Variants in CFAP299 observed in about 807,000 individuals in gnomAD.
CFAP299 encodes cilia and flagella associated protein 299.
CFAP299 carries 21 observed loss-of-function variants against 27.0 expected under a neutral mutation model. The ratio of observed to expected loss-of-function variants is 0.78; its 90% CI spans 0.55 to 1.12. The LOEUF (loss-of-function observed/expected upper bound fraction) is 1.12. CFAP299 is among the 50% of genes most tolerant of loss of function. The pLI, the probability that CFAP299 is intolerant of heterozygous loss-of-function variation, is 0.00. For synonymous variants in CFAP299, 104 were observed against 98.1 expected, an observed-to-expected ratio of 1.06 and a Z score of -0.36; for missense variants, 310 against 276.6, an observed-to-expected ratio of 1.12 and a Z score of -0.86.
At chr4:80,719,197 A>C (rs1722673352) in intron 3 of CFAP299, among the ~76,000 whole-genome samples, 1 of 152,182 alleles carries the variant, frequency 6.6e-6, no homozygotes, top group South Asian at 2.1e-4. Flanking sequence ...TACTAAGTTT[A>C]GTACCTGGGT....
At chr4:80,806,931 C>T (rs1213942867) in intron 3 of CFAP299, among the ~76,000 whole-genome samples, 1 of 152,060 alleles carries the variant, frequency 6.6e-6, no homozygotes, top group African/African-American at 2.4e-5. Context: ...GTTAGTTTTT[C>T]TGTTAATAAT....
At chr4:80,737,541 C>A (rs4459984) in intron 3 of CFAP299, among the ~76,000 whole-genome samples, 1 of 151,816 alleles carries the variant, frequency 6.6e-6, no homozygotes, top group Non-Finnish European at 1.5e-5. Context: ...GAACTTAATA[C>A]ATTTCTTCTA....
intron 3 of CFAP299, among the ~76,000 whole-genome samples, chr4:80,861,365 A>G (rs1299938538): frequency 6.6e-6 from 1 of 152,158 alleles, no homozygotes; most frequent in Non-Finnish European, 1.5e-5. Flanking sequence ...GCGCTTCCCA[A>G]GTGAGGCAAT....
chr4:80,819,934 T>C (rs1350748567), intron 3 of CFAP299, among the ~76,000 whole-genome samples: 1 of 152,162 alleles, frequency 6.6e-6, no homozygotes, highest in African/African-American at 2.4e-5. Context: ...CTACATATTC[T>C]TGGAAAACTA....
At chr4:80,777,401 A>C (rs1726611850) in intron 3 of CFAP299, among the ~76,000 whole-genome samples, 1 of 152,098 alleles carries the variant, frequency 6.6e-6, no homozygotes, top group Non-Finnish European at 1.5e-5. Context: ...CTGTTGAAGT[A>C]GTCCTATGCT....
rs541746020 is a variant in CFAP299, at chr4:80,864,502, A to G, written c.334-5491A>G. On this transcript the variant is annotated intron_variant, in intron 3 of 5. Coordinates refer to ENST00000358105, the MANE Select transcript of CFAP299 (RefSeq NM_152770.3). ...TATACATATATACACATATATATAC[A>G]TATATACCTATATATACGTATATAT... 4.0e-3 allele frequency among the ~76,000 whole-genome samples: 595 copies of G among 147,364 alleles called. 5 individuals are homozygous for G. Among genetic ancestry groups the G allele is most frequent in the Middle Eastern group, 0.014 (4 of 280 alleles).
intron 2 of CFAP299, among the ~76,000 whole-genome samples, chr4:80,505,481 T>C (rs552533285): frequency 4.2e-5 from 3 of 70,660 alleles, no homozygotes; most frequent in African/African-American, 1.3e-4. Context: ...ACATAACAAC[T>C]GAAAAAAGGA....
At chr4:80,488,010 A>G (rs1730913203) in intron 2 of CFAP299, among the ~76,000 whole-genome samples, 1 of 152,230 alleles carries the variant, frequency 6.6e-6, no homozygotes, top group South Asian at 2.1e-4. Flanking sequence ...TTTTTAAAAC[A>G]TCATGACCAC....
intron 2 of CFAP299, among the ~76,000 whole-genome samples, chr4:80,436,419 A>C (rs1421820938): frequency 3.3e-5 from 5 of 151,078 alleles, no homozygotes; most frequent in South Asian, 2.1e-4. Context: ...CTGCCTCAGC[A>C]TCCCGAGTAG....
At chr4:80,583,240 T>TA (rs1415909204) in intron 3 of CFAP299, 57 bp downstream of exon 3, 89 of 951,216 alleles carry the variant, frequency 9.4e-5, no homozygotes, top group Non-Finnish European at 1.3e-4. Context: ...CAATTAATAT[T>TA]AAAAAATGTA....
chr4:80,628,835 T>G (rs1278136645), intron 3 of CFAP299, among the ~76,000 whole-genome samples: 1 of 152,140 alleles, frequency 6.6e-6, no homozygotes, highest in Non-Finnish European at 1.5e-5. Flanking sequence ...GTTGGCAAAA[T>G]GTGCGGCAAA....
intron 2 of CFAP299, among the ~76,000 whole-genome samples, chr4:80,473,079 C>T (rs1238461352): frequency 6.6e-6 from 1 of 151,974 alleles, no homozygotes; most frequent in Non-Finnish European, 1.5e-5. Flanking sequence ...TCTCAGGGGT[C>T]ATAGGCAAGC....
At chr4:80,340,332 C>T (rs1350351659) in intron 1 of CFAP299, among the ~76,000 whole-genome samples, 4 of 152,186 alleles carry the variant, frequency 2.6e-5, no homozygotes, top group African/African-American at 7.2e-5. Context: ...GGCCACTTTA[C>T]CAGGGCCTTC....
At chr4:80,818,012 G>C (rs72881512) in intron 3 of CFAP299, among the ~76,000 whole-genome samples, 4 of 151,824 alleles carry the variant, frequency 2.6e-5, no homozygotes, top group Admixed American at 2.6e-4. Flanking sequence ...CCCTGCCTCC[G>C]ATAAGCCCCA....
intron 3 of CFAP299, among the ~76,000 whole-genome samples, chr4:80,817,393 AATT>A (rs1437614463): frequency 3.3e-5 from 5 of 152,080 alleles, no homozygotes; most frequent in Non-Finnish European, 7.4e-5. Flanking sequence ...AATAAATTAA[AATT>A]AATAGATTTT....
intron 3 of CFAP299, among the ~76,000 whole-genome samples, chr4:80,847,311 G>T (rs911205551): frequency 2.0e-5 from 3 of 152,134 alleles, no homozygotes; most frequent in Non-Finnish European, 4.4e-5. Flanking sequence ...TTATTCCCTT[G>T]GCCCTTCGTA....
At chr4:80,429,135 C>T (rs1486968459) in intron 2 of CFAP299, among the ~76,000 whole-genome samples, 1 of 152,196 alleles carries the variant, frequency 6.6e-6, no homozygotes, top group Non-Finnish European at 1.5e-5. Context: ...GGTTTCCATA[C>T]ATCCCACCCA....
chr4:80,451,595 AT>A (rs1402681142), intron 2 of CFAP299, among the ~76,000 whole-genome samples: 11 of 152,240 alleles, frequency 7.2e-5, no homozygotes, highest in African/African-American at 2.7e-4. Flanking sequence ...TCTACTGAAA[AT>A]AACTAAATTC....
chr4:80,437,229 T>A (rs908275377), intron 2 of CFAP299, among the ~76,000 whole-genome samples: 12 of 152,328 alleles, frequency 7.9e-5, no homozygotes, highest in African/African-American at 2.6e-4. Flanking sequence ...GGAACTGAAT[T>A]ACTATATCAT....
Sources: gnomAD v4.1 joint callset for allele counts (sites outside exome capture counted in the v4.1 genomes callset) on GRCh38, gnomAD v4.1.1 for gene constraint, MANE v1.5 for transcripts, NCBI Gene and HGNC (gene_info 2026-07-23, HGNC 2026-07-21) for gene names.